The following HTR7 variants were observed in gnomAD, a reference collection of about 807,000 sequenced individuals.
HTR7 encodes the protein 5-hydroxytryptamine receptor 7, also known as 5-HT-7.
In HTR7, 16 loss-of-function variants were observed where a neutral mutation model predicts 34.0. The observed-to-expected ratio is 0.47, with a 90% CI of 0.32 to 0.71. The LOEUF (loss-of-function observed/expected upper bound fraction) is 0.71, where lower values mean the gene tolerates loss of function less well. HTR7 is among the 30% of genes least tolerant of loss of function. HTR7 has a pLI of 0.04. For synonymous variants in HTR7, 265 were observed against 260.2 expected (o/e 1.02, Z -0.18); for missense variants, 504 against 625.5 (o/e 0.81, Z 2.07).
chr10:90,791,416 T>C (rs1463905061), intron 1 of HTR7, among the ~76,000 whole-genome samples: 1 of 152,054 alleles, frequency 6.6e-6, no homozygotes, highest in Admixed American at 6.6e-5. Context: ...AACCTAATAC[T>C]GAAGTTGCAC....
intron 1 of HTR7, among the ~76,000 whole-genome samples, chr10:90,753,140 C>G (rs1844768771): frequency 6.6e-6 from 1 of 152,134 alleles, no homozygotes; most frequent in Non-Finnish European, 1.5e-5. Context: ...ATACAAAACA[C>G]AGCCATCCCA....
intron 1 of HTR7, among the ~76,000 whole-genome samples, chr10:90,822,288 T>C (rs185506734): frequency 6.6e-6 from 1 of 152,284 alleles, no homozygotes; most frequent in African/African-American, 2.4e-5. Flanking sequence ...ATGAGGAACT[T>C]ATTAGGAACT....
intron 1 of HTR7, among the ~76,000 whole-genome samples, chr10:90,846,144 G>C (rs2120108249): frequency 6.6e-6 from 1 of 152,146 alleles, no homozygotes; most frequent in South Asian, 2.1e-4. Flanking sequence ...AATATCTTGA[G>C]GATGGGACCT....
intron 1 of HTR7, among the ~76,000 whole-genome samples, chr10:90,751,509 T>C (rs915145719): frequency 5.3e-5 from 8 of 152,114 alleles, no homozygotes; most frequent in Admixed American, 2.6e-4. Flanking sequence ...ATCCAAGACA[T>C]GAGCCCAGGA....
intron 1 of HTR7, among the ~76,000 whole-genome samples, chr10:90,815,661 C>A (rs1845888615): frequency 6.6e-6 from 1 of 151,988 alleles, no homozygotes; most frequent in Admixed American, 6.6e-5. Flanking sequence ...TGCAACTGGC[C>A]ATCATGGCAC....
chr10:90,774,958 T>G (rs1340721989), intron 1 of HTR7, among the ~76,000 whole-genome samples: 1 of 152,160 alleles, frequency 6.6e-6, no homozygotes, highest in Non-Finnish European at 1.5e-5. Flanking sequence ...CCTGAGTGGT[T>G]TAGTGAAACA....
intron 1 of HTR7, among the ~76,000 whole-genome samples, chr10:90,787,228 G>A (rs1258650187): frequency 6.6e-6 from 1 of 152,168 alleles, no homozygotes; most frequent in African/African-American, 2.4e-5. Context: ...AGTGGGTCAC[G>A]CCTGTAATCC....
intron 1 of HTR7, among the ~76,000 whole-genome samples, chr10:90,787,306 G>A (rs1410815445): frequency 6.6e-6 from 1 of 152,070 alleles, no homozygotes; most frequent in East Asian, 1.9e-4. Context: ...TGGGCAATAT[G>A]GTGAAACCCC....
intron 1 of HTR7, among the ~76,000 whole-genome samples, chr10:90,809,526 A>C (rs1381411959): frequency 2.0e-5 from 3 of 152,224 alleles, no homozygotes; most frequent in Non-Finnish European, 2.9e-5. Flanking sequence ...AAACCCCACA[A>C]CGGGATTAAT....
At chr10:90,835,125 T>C (rs1307618465) in intron 1 of HTR7, among the ~76,000 whole-genome samples, 1 of 152,222 alleles carries the variant, frequency 6.6e-6, no homozygotes, top group African/African-American at 2.4e-5. Flanking sequence ...GTTCATCTTA[T>C]GATTTCCCAT....
chr10:90,784,218 A>G (rs1051908567), intron 1 of HTR7, among the ~76,000 whole-genome samples: 1 of 152,238 alleles, frequency 6.6e-6, no homozygotes, highest in Admixed American at 6.5e-5. Context: ...AATTAATTAT[A>G]TAGGACTCTG....
chr10:90,831,313 G>C (rs554921333), intron 1 of HTR7, among the ~76,000 whole-genome samples: 3 of 152,066 alleles, frequency 2.0e-5, no homozygotes, highest in Non-Finnish European at 2.9e-5. Flanking sequence ...TCTTCCTTCT[G>C]GTGGGTTCAT....
chr10:90,786,788 A>T (rs112311713), intron 1 of HTR7, among the ~76,000 whole-genome samples: 2,601 of 152,284 alleles, frequency 0.017, 86 homozygotes, highest in African/African-American at 0.058. Context: ...AGAGAAAGCA[A>T]GAGGGCAAGA....
intron 1 of HTR7, among the ~76,000 whole-genome samples, chr10:90,762,131 C>T (rs1299510055): frequency 1.3e-5 from 2 of 152,138 alleles, no homozygotes; most frequent in Admixed American, 1.3e-4. Flanking sequence ...GCTTCATTTC[C>T]TTTGGACATA....
chr10:90,808,273 C>T (rs112423303), intron 1 of HTR7, among the ~76,000 whole-genome samples: 2,191 of 151,876 alleles, frequency 0.014, 56 homozygotes, highest in African/African-American at 0.05. Flanking sequence ...CAAGAAACCC[C>T]TAACCCTTCT....
chr10:90,846,817 G>A (rs1207722554), intron 1 of HTR7, among the ~76,000 whole-genome samples: 1 of 152,226 alleles, frequency 6.6e-6, no homozygotes, highest in African/African-American at 2.4e-5. Context: ...GTCAAAGCAG[G>A]AATTCCCATA....
rs1301129873 is a variant in HTR7 at position 90,806,290 on chromosome 10, CTG to C, written c.539+50841_539+50842del. On this transcript the variant is annotated intron_variant, in intron 1 of 3. Transcript: ENST00000336152. ...GGTCATCCATGGTATGGAGCTGCAGCTGTGCTGTATTAAGTTCCTAAAGGTAG... is the reference window on the plus strand; with the variant it reads ...GGTCATCCATGGTATGGAGCTGCAGCTGCTGTATTAAGTTCCTAAAGGTAG... Among the ~76,000 whole-genome samples the C allele has an allele frequency of 7.2e-5, 11 of 152,256 alleles. No individual in the cohort carries two copies. In the South Asian group the frequency reaches 2.3e-3, roughly 32 times the overall value.
intron 1 of HTR7, among the ~76,000 whole-genome samples, chr10:90,855,440 C>A (rs1378139266): frequency 6.6e-6 from 1 of 152,174 alleles, no homozygotes; most frequent in Non-Finnish European, 1.5e-5. Context: ...ATTTATGTAT[C>A]ATTTATCAAC....
intron 1 of HTR7, among the ~76,000 whole-genome samples, chr10:90,835,772 A>T (rs147946383): frequency 1.3e-5 from 2 of 152,194 alleles, no homozygotes; most frequent in Non-Finnish European, 2.9e-5. Context: ...CAGGGGACTA[A>T]GGGAGAGCTT....
Sources: allele counts gnomAD v4.1 joint callset (sites outside exome capture counted in the v4.1 genomes callset), GRCh38; gene constraint gnomAD v4.1.1; transcripts MANE v1.5; gene names NCBI Gene and HGNC (gene_info 2026-07-23, HGNC 2026-07-21).